The following MYO16 variants were observed in gnomAD, a reference collection of about 807,000 sequenced individuals.
The protein encoded by MYO16 is myosin XVI.
In MYO16, 94 loss-of-function variants were observed where a neutral mutation model predicts 205.3. The observed-to-expected ratio is 0.46, with a 90% CI of 0.39 to 0.54. The LOEUF is 0.54. Ranked by LOEUF, MYO16 falls within the 20% of genes least tolerant of loss-of-function variation. MYO16 has a pLI of 0.00. For synonymous variants in MYO16, 988 were observed against 954.0 expected (o/e 1.04, Z -0.66); for missense variants, 2,315 against 2,387.5 (o/e 0.97, Z 0.63).
chr13:108,852,077 T>G (rs1387302211), intron 10 of MYO16, among the ~76,000 whole-genome samples: 2 of 152,128 alleles, frequency 1.3e-5, no homozygotes, highest in Non-Finnish European at 2.9e-5. Flanking sequence ...CTTTTAAAAT[T>G]ATGTCCAATT....
At chr13:108,640,489 T>C (rs902041191) in intron 1 of MYO16, among the ~76,000 whole-genome samples, 11 of 152,014 alleles carry the variant, frequency 7.2e-5, no homozygotes, top group Admixed American at 1.3e-4. Flanking sequence ...GTGGAGGAGG[T>C]TGTGCCACTC....
At chr13:108,725,606 A>G (rs61969548) in intron 3 of MYO16, among the ~76,000 whole-genome samples, 31,156 of 152,038 alleles carry the variant, frequency 0.2, 3,491 homozygotes, top group Middle Eastern at 0.32. Context: ...AGGAACAGGC[A>G]CCGTTTCTTG....
chr13:108,508,305 G>A, the MYO16 span, among the ~76,000 whole-genome samples: 1 of 151,060 alleles, frequency 6.6e-6, no homozygotes, highest in Non-Finnish European at 1.5e-5. Context: ...GCTTTATACT[G>A]AGGAAGACTT....
At chr13:109,120,042 G>A (rs1443398215) in intron 28 of MYO16, among the ~76,000 whole-genome samples, 1 of 152,186 alleles carries the variant, frequency 6.6e-6, no homozygotes, top group Non-Finnish European at 1.5e-5. Flanking sequence ...TCTCTAGAAT[G>A]GGAGAATCCA....
chr13:108,647,084 G>C (rs1880787379), intron 1 of MYO16, among the ~76,000 whole-genome samples: 1 of 151,992 alleles, frequency 6.6e-6, no homozygotes, highest in African/African-American at 2.4e-5. Flanking sequence ...TGTGATTGAT[G>C]GTTTTACCTT....
intron 4 of MYO16, among the ~76,000 whole-genome samples, chr13:108,728,476 C>T (rs139045707): frequency 4.6e-5 from 7 of 152,254 alleles, no homozygotes; most frequent in Admixed American, 6.5e-5. Context: ...AGCACCCTTG[C>T]GGAGGTTAGG....
At chr13:108,583,433 AAT>A in the MYO16 span, among the ~76,000 whole-genome samples, 1 of 152,198 alleles carries the variant, frequency 6.6e-6, no homozygotes, top group Non-Finnish European at 1.5e-5. Flanking sequence ...ACGTGATTCT[AAT>A]ATGCTTTTGG....
chr13:109,013,114 A>ACCG (rs1885669595), intron 22 of MYO16, among the ~76,000 whole-genome samples: 1 of 55,130 alleles, frequency 1.8e-5, no homozygotes, highest in Non-Finnish European at 3.4e-5. Flanking sequence ...CCCCTCCCCC[A>ACCG]CCCCCCCCCA....
intron 2 of MYO16, among the ~76,000 whole-genome samples, chr13:108,705,751 A>G (rs1241885777): frequency 6.6e-6 from 1 of 152,178 alleles, no homozygotes; most frequent in Admixed American, 6.5e-5. Flanking sequence ...TAGTAAAATT[A>G]TATGCCAAAA....
At chr13:109,130,268 G>A (rs938590266) in intron 31 of MYO16, among the ~76,000 whole-genome samples, 1 of 152,148 alleles carries the variant, frequency 6.6e-6, no homozygotes, top group African/African-American at 2.4e-5. Context: ...TTAGAGATGC[G>A]TTTGGTCCAC....
rs751396010 is a variant in MYO16 at position 109,179,640 on chromosome 13, ATGTC to A, written c.5415+15_5415+18del. 20 of 1,605,136 alleles carry A rather than the reference ATGTC, an allele frequency of 1.2e-5. No homozygotes were observed. Among genetic ancestry groups the A allele is most frequent in the Non-Finnish European group, 1.0e-5 (12 of 1,172,070 alleles). ...GGACAGTCACACCACTCAGGTAATG[ATGTC>A]TGTCTGTTCACATGTGCAGTGACAA... On this transcript the variant is annotated splice_region_variant and intron_variant, in intron 34 of 34. Coordinates refer to ENST00000457511, the MANE Select transcript of MYO16 (RefSeq NM_001198950.3).
At chr13:108,806,896 C>A in intron 7 of MYO16, 92 bp downstream of exon 7, 2 of 966,926 alleles carry the variant, frequency 2.1e-6, no homozygotes, top group Non-Finnish European at 2.8e-6. Flanking sequence ...AAATTACGTA[C>A]TAATCATTAT....
chr13:108,823,059 A>C, intron 8 of MYO16, 66 bp from the exon 9 acceptor site: 1 of 1,408,628 alleles, frequency 7.1e-7, no homozygotes, highest in Non-Finnish European at 9.7e-7. Context: ...AATTATTGAA[A>C]GTAAATAGAT....
rs139374636 is a variant in MYO16, at chr13:108,633,508, C to T, written c.28+3636C>T. Among the ~76,000 whole-genome samples, 780 of 152,260 alleles carry T rather than the reference C, an allele frequency of 5.1e-3. 6 individuals are homozygous for T. Among genetic ancestry groups the T allele is most frequent in the African/African-American group, 0.018 (745 of 41,552 alleles). On this transcript the variant is annotated intron_variant, in intron 1 of 34. Transcript: ENST00000457511. ...AGCCTGGTTCTTCCATGTTCCTCTG[C>T]CTGCTTTTATCCTAGCTGCACTGGC...
intron 7 of MYO16, among the ~76,000 whole-genome samples, chr13:108,817,498 T>C (rs1169648660): frequency 6.9e-6 from 1 of 144,390 alleles, no homozygotes; most frequent in Non-Finnish European, 1.5e-5. Flanking sequence ...TGTTTTCTTG[T>C]ATGGGATGAA....
In MYO16 at chr13:108,608,198, G is replaced by A. The variant is rs549474392; in HGVS notation, c.-39+11959G>A. On this transcript the variant is annotated intron_variant, in intron 1 of 24. Coordinates refer to the MYO16 transcript ENST00000251041. ...TTAGTCGTGCACATAGGCCTAGGGC[G>A]GCATCTAAATGTGACCTTTACTGCA... Among the ~76,000 whole-genome samples the A allele has an allele frequency of 7.2e-5, 11 of 152,196 alleles. No homozygotes were observed. In the South Asian group the frequency reaches 1.0e-3, roughly 14 times the overall value.
At chr13:108,952,125 A>ATAAC (rs1252545517) in intron 16 of MYO16, among the ~76,000 whole-genome samples, 2 of 149,512 alleles carry the variant, frequency 1.3e-5, no homozygotes, top group Non-Finnish European at 3.0e-5. Context: ...AAATAAATAA[A>ATAAC]TAAATAAATA....
intron 28 of MYO16, among the ~76,000 whole-genome samples, chr13:109,113,388 C>T (rs1472854110): frequency 6.6e-6 from 1 of 151,728 alleles, no homozygotes; most frequent in African/African-American, 2.4e-5. Context: ...ACTAAAAGGG[C>T]CATACAATAA....
the MYO16 span, among the ~76,000 whole-genome samples, chr13:108,500,003 G>A: frequency 1.3e-4 from 20 of 151,136 alleles, no homozygotes; most frequent in East Asian, 5.9e-4. Flanking sequence ...CTGTGCCCTC[G>A]CTTTGGCCCC....
Sources: gnomAD v4.1 joint callset for allele counts (sites outside exome capture counted in the v4.1 genomes callset) on GRCh38, gnomAD v4.1.1 for gene constraint, MANE v1.5 for transcripts, NCBI Gene and HGNC (gene_info 2026-07-23, HGNC 2026-07-21) for gene names.